CCDC102B: variants seen among roughly 807,000 people sequenced by gnomAD.
CCDC102B encodes the protein coiled-coil domain-containing protein 102B.
Under a neutral mutation model 57.4 loss-of-function variants are expected in CCDC102B, and 75 were observed. The observed-to-expected ratio is 1.31, with a 90% CI of 1.08 to 1.58. The LOEUF (loss-of-function observed/expected upper bound fraction) is 1.58, where lower values mean the gene tolerates loss of function less well. Ranked by LOEUF, CCDC102B falls within the 40% of genes most tolerant of loss-of-function variation. CCDC102B has a pLI of 0.00. For synonymous variants in CCDC102B, 206 were observed against 201.9 expected (o/e 1.02, Z -0.17); for missense variants, 636 against 582.6 (o/e 1.09, Z -0.94).
Position 69,027,005 on chromosome 18 carries a change from C to T in CCDC102B, c.1434+15901C>T, listed in dbSNP as rs570870618. Among the ~76,000 whole-genome samples, 13 of 152,342 alleles carry T rather than the reference C, an allele frequency of 8.5e-5. No homozygotes were observed. The South Asian group carries it at 1.4e-3, about 17-fold the overall frequency. On this transcript the variant is annotated intron_variant, in intron 7 of 7. Transcript: ENST00000360242. ...ACTCAGTCTTTCTGTTCCTCCACTT[C>T]GTCCATCACGAATTGAGGGAGTAGG...
At chr18:69,020,297 C>T (rs2051796054) in intron 7 of CCDC102B, among the ~76,000 whole-genome samples, 2 of 151,948 alleles carry the variant, frequency 1.3e-5, no homozygotes, top group African/African-American at 4.8e-5. Context: ...GAAGAATCAC[C>T]TAACTTTAAG....
chr18:68,878,593 T>C (rs879251545), intron 5 of CCDC102B, among the ~76,000 whole-genome samples: 4 of 152,138 alleles, frequency 2.6e-5, no homozygotes, highest in Admixed American at 6.5e-5. Context: ...AGCTCACGCC[T>C]CTACCATGTG....
At chr18:68,762,489 G>T (rs978839523) in intron 2 of CCDC102B, among the ~76,000 whole-genome samples, 2 of 151,850 alleles carry the variant, frequency 1.3e-5, no homozygotes, top group Non-Finnish European at 2.9e-5. Flanking sequence ...TTATCAGATC[G>T]ACTGTCATGG....
chr18:68,857,320 T>TATAA (rs372894232), intron 4 of CCDC102B, among the ~76,000 whole-genome samples: 9,726 of 18,228 alleles, frequency 0.53, 2,316 homozygotes, highest in Non-Finnish European at 0.58. Context: ...ATTTATATAT[T>TATAA]ATATATATAA....
intron 2 of CCDC102B, among the ~76,000 whole-genome samples, chr18:68,719,568 A>G (rs2032213030): frequency 6.6e-6 from 1 of 152,176 alleles, no homozygotes; most frequent in Non-Finnish European, 1.5e-5. Context: ...TGTTCTCTTC[A>G]GGCTTTCAAT....
At chr18:68,873,713 G>A (rs1406466061) in intron 4 of CCDC102B, among the ~76,000 whole-genome samples, 1 of 151,940 alleles carries the variant, frequency 6.6e-6, no homozygotes. Flanking sequence ...ACAACATTAT[G>A]AGTACTACTT....
At chr18:68,763,483 T>A (rs1555698187) in intron 2 of CCDC102B, among the ~76,000 whole-genome samples, 1 of 151,874 alleles carries the variant, frequency 6.6e-6, no homozygotes, top group Non-Finnish European at 1.5e-5. Flanking sequence ...TCTAACAATG[T>A]AAAAAAAATG....
intron 6 of CCDC102B, among the ~76,000 whole-genome samples, chr18:69,010,462 C>A (rs2145391368): frequency 6.7e-6 from 1 of 148,794 alleles, no homozygotes; most frequent in African/African-American, 2.6e-5. Flanking sequence ...GGTTTCTGAG[C>A]CTGGTTCATG....
chr18:68,788,016 C>G (rs941939602), intron 2 of CCDC102B, among the ~76,000 whole-genome samples: 109 of 150,894 alleles, frequency 7.2e-4, no homozygotes, highest in African/African-American at 2.5e-3. Context: ...CCCAGAGATT[C>G]TGGTATGTTG....
At chr18:68,958,690 T>G (rs949967686) in intron 6 of CCDC102B, among the ~76,000 whole-genome samples, 2 of 152,176 alleles carry the variant, frequency 1.3e-5, no homozygotes, top group African/African-American at 2.4e-5. Flanking sequence ...TTCTTTTTCT[T>G]TTTTCTTCTG....
At chr18:68,983,519 A>T (rs1240430390) in intron 6 of CCDC102B, among the ~76,000 whole-genome samples, 11 of 152,160 alleles carry the variant, frequency 7.2e-5, no homozygotes, top group South Asian at 2.1e-4. Flanking sequence ...CTATTTTACT[A>T]GCCAGTGATA....
intron 6 of CCDC102B, among the ~76,000 whole-genome samples, chr18:69,002,096 A>T (rs1217664137): frequency 1.3e-5 from 2 of 152,182 alleles, no homozygotes; most frequent in East Asian, 1.9e-4. Context: ...AGAACTAGTA[A>T]ATTTTTTTCA....
At chr18:69,006,406 TTTATTTA>T (rs2051345495) in intron 6 of CCDC102B, among the ~76,000 whole-genome samples, 1 of 128,376 alleles carries the variant, frequency 7.8e-6, no homozygotes, top group African/African-American at 3.0e-5. Flanking sequence ...TATTTATTTA[TTTATTTA>T]TTTATTTATT....
intron 7 of CCDC102B, among the ~76,000 whole-genome samples, chr18:69,022,291 GCACA>G (rs569332359): frequency 6.7e-6 from 1 of 148,952 alleles, no homozygotes; most frequent in African/African-American, 2.5e-5. Flanking sequence ...ATATATGTGG[GCACA>G]CACACACACA....
intron 2 of CCDC102B, among the ~76,000 whole-genome samples, chr18:68,838,086 T>C (rs2037464825): frequency 6.6e-6 from 1 of 152,172 alleles, no homozygotes; most frequent in Non-Finnish European, 1.5e-5. Context: ...CAAATTTAAA[T>C]TGTAGGCAAA....
intron 7 of CCDC102B, among the ~76,000 whole-genome samples, chr18:69,032,078 A>G (rs2052161661): frequency 6.6e-6 from 1 of 152,120 alleles, no homozygotes; most frequent in African/African-American, 2.4e-5. Flanking sequence ...ATAATATGTG[A>G]TAACAGATTG....
chr18:68,834,823 A>G (rs915944850), intron 1 of CCDC102B, among the ~76,000 whole-genome samples: 1 of 151,868 alleles, frequency 6.6e-6, no homozygotes, highest in East Asian at 1.9e-4. Context: ...TTTTTTCCCA[A>G]TGATTAAAGG....
intron 6 of CCDC102B, among the ~76,000 whole-genome samples, chr18:68,933,111 T>G (rs1195754424): frequency 1.3e-5 from 2 of 150,646 alleles, no homozygotes; most frequent in African/African-American, 4.9e-5. Context: ...AAAAAAAATA[T>G]TAGGAAGAGA....
intron 6 of CCDC102B, among the ~76,000 whole-genome samples, chr18:68,959,783 C>T (rs939820613): frequency 5.3e-5 from 8 of 152,044 alleles, no homozygotes; most frequent in Non-Finnish European, 8.8e-5. Context: ...TCCCCTGGCT[C>T]ATGGTGTGTA....
Sources: gnomAD v4.1 joint callset for allele counts (sites outside exome capture counted in the v4.1 genomes callset) on GRCh38, gnomAD v4.1.1 for gene constraint, MANE v1.5 for transcripts, NCBI Gene and HGNC (gene_info 2026-07-23, HGNC 2026-07-21) for gene names.